NXPH1: variants seen among roughly 807,000 people sequenced by gnomAD.
NXPH1 encodes neurexophilin-1.
NXPH1 carries 5 observed loss-of-function variants against 23.7 expected under a neutral mutation model. That is an observed-to-expected ratio of 0.21 (90% CI 0.11 to 0.44). The LOEUF (loss-of-function observed/expected upper bound fraction) is 0.44. Among genes scored for constraint, NXPH1 ranks in the 20% least tolerant of loss-of-function variants. NXPH1 has a pLI of 0.99. For missense variants in NXPH1, 324 were observed against 321.6 expected (o/e 1.01, Z -0.06); for synonymous variants, 144 against 122.2 (o/e 1.18, Z -1.18).
intron 2 of NXPH1, among the ~76,000 whole-genome samples, chr7:8,633,091 T>C (rs1241296477): frequency 6.6e-6 from 1 of 152,188 alleles, no homozygotes; most frequent in Non-Finnish European, 1.5e-5. Context: ...CAAACTCACA[T>C]AAAATCAATT....
chr7:8,524,510 G>A (rs1322223411), intron 2 of NXPH1, among the ~76,000 whole-genome samples: 5 of 152,066 alleles, frequency 3.3e-5, no homozygotes, highest in Non-Finnish European at 7.4e-5. Context: ...ATCATAGCAT[G>A]GATTGTTCCT....
chr7:8,607,079 T>G lies in NXPH1; in HGVS notation c.55-143929T>G, dbSNP rs139171132. On this transcript the variant is annotated intron_variant, in intron 2 of 2. Transcript: ENST00000405863. ...GTTTTTCCTGGGACAAATATACGGT[T>G]GGACTCATATATATCCTGGGACCAA... Among the ~76,000 whole-genome samples, 665 of 152,250 alleles carry G rather than the reference T, an allele frequency of 4.4e-3. 4 individuals carry two copies. Among genetic ancestry groups the G allele is most frequent in the African/African-American group, 0.015 (637 of 41,564 alleles).
intron 2 of NXPH1, among the ~76,000 whole-genome samples, chr7:8,623,331 G>C (rs993455675): frequency 7.2e-5 from 11 of 152,082 alleles, no homozygotes; most frequent in African/African-American, 2.7e-4. Flanking sequence ...AAACTACAAA[G>C]TGATTGGAAC....
At chr7:8,472,766 C>T (rs1584178502) in intron 2 of NXPH1, among the ~76,000 whole-genome samples, 1 of 152,182 alleles carries the variant, frequency 6.6e-6, no homozygotes, top group Admixed American at 6.5e-5. Flanking sequence ...AAGGAATTGA[C>T]TCATTAGCTG....
intron 2 of NXPH1, among the ~76,000 whole-genome samples, chr7:8,717,902 A>ATATATC (rs1779903807): frequency 6.6e-6 from 1 of 150,764 alleles, no homozygotes; most frequent in South Asian, 2.1e-4. Flanking sequence ...GTGTATATAT[A>ATATATC]TATATATATA....
chr7:8,453,040 G>A (rs1816533739), intron 2 of NXPH1, among the ~76,000 whole-genome samples: 1 of 152,002 alleles, frequency 6.6e-6, no homozygotes, highest in South Asian at 2.1e-4. Flanking sequence ...AGTTAATAAT[G>A]ATAACATACC....
chr7:8,555,670 G>A (rs533417448), intron 2 of NXPH1, among the ~76,000 whole-genome samples: 127 of 151,786 alleles, frequency 8.4e-4, no homozygotes, highest in Middle Eastern at 3.4e-3. Flanking sequence ...TTCTTTGTTC[G>A]TCTTGGCAAG....
chr7:8,583,567 G>A (rs1350812520), intron 2 of NXPH1, among the ~76,000 whole-genome samples: 1 of 152,172 alleles, frequency 6.6e-6, no homozygotes. Flanking sequence ...GAGAGACTGA[G>A]TTGCAGGGGG....
At chr7:8,512,858 A>G (rs1817632902) in intron 2 of NXPH1, among the ~76,000 whole-genome samples, 1 of 152,086 alleles carries the variant, frequency 6.6e-6, no homozygotes, top group Non-Finnish European at 1.5e-5. Flanking sequence ...TTAGCAGAAA[A>G]CCAAATTAGA....
chr7:8,523,147 G>A (rs1158906986), intron 2 of NXPH1, among the ~76,000 whole-genome samples: 1 of 152,164 alleles, frequency 6.6e-6, no homozygotes, highest in Non-Finnish European at 1.5e-5. Flanking sequence ...AGTAATGCTG[G>A]CACAGTTTAG....
At chr7:8,559,998 C>T (rs564137325) in intron 2 of NXPH1, among the ~76,000 whole-genome samples, 1 of 151,610 alleles carries the variant, frequency 6.6e-6, no homozygotes, top group African/African-American at 2.4e-5. Flanking sequence ...AACGGTAGAG[C>T]CATGCATTTG....
At chr7:8,639,922 T>G (rs1463328858) in intron 2 of NXPH1, among the ~76,000 whole-genome samples, 2 of 152,204 alleles carry the variant, frequency 1.3e-5, no homozygotes, top group Non-Finnish European at 2.9e-5. Context: ...TGTTCTCAGT[T>G]TCAGGTATGT....
At chr7:8,716,088 G>A (rs1779874300) in intron 2 of NXPH1, among the ~76,000 whole-genome samples, 1 of 152,124 alleles carries the variant, frequency 6.6e-6, no homozygotes, top group Admixed American at 6.5e-5. Context: ...AGCAGATAAG[G>A]TGAAAAAGCC....
At chr7:8,493,843 C>T (rs549420597) in intron 2 of NXPH1, among the ~76,000 whole-genome samples, 8 of 152,038 alleles carry the variant, frequency 5.3e-5, no homozygotes, top group Middle Eastern at 3.4e-3. Context: ...CTTTCTCTCT[C>T]GGTCTCATTT....
At chr7:8,739,583 T>C (rs1780326384) in intron 2 of NXPH1, among the ~76,000 whole-genome samples, 1 of 152,166 alleles carries the variant, frequency 6.6e-6, no homozygotes, top group South Asian at 2.1e-4. Flanking sequence ...ACTGGAGCTG[T>C]TCCTATTTGG....
chr7:8,544,083 A>G (rs1201743439), intron 2 of NXPH1, among the ~76,000 whole-genome samples: 1 of 151,632 alleles, frequency 6.6e-6, no homozygotes, highest in South Asian at 2.1e-4. Flanking sequence ...GCTGGGGCAC[A>G]TGTTGCCTCT....
intron 2 of NXPH1, among the ~76,000 whole-genome samples, chr7:8,616,668 G>T (rs1270228559): frequency 3.9e-5 from 6 of 151,936 alleles, no homozygotes; most frequent in Non-Finnish European, 7.4e-5. Flanking sequence ...AGCCAGGGGG[G>T]ACTGAGGGAA....
In NXPH1 at chr7:8,506,417, C is replaced by T. The variant is rs571809282; in HGVS notation, c.54+70650C>T. ...CTATTAATATTTCCTTTATAGGATA[C>T]TTGTGAAGATTAAGTGAGAAAAGAT... On this transcript the variant is annotated intron_variant, in intron 2 of 2. Transcript: ENST00000405863. Among the ~76,000 whole-genome samples, 32 of 152,168 alleles carry T rather than the reference C, an allele frequency of 2.1e-4. No individual in the cohort carries two copies. The South Asian group carries it at 6.2e-3, about 30-fold the overall frequency.
chr7:8,545,511 G>A (rs1818185813), intron 2 of NXPH1, among the ~76,000 whole-genome samples: 1 of 151,472 alleles, frequency 6.6e-6, no homozygotes, highest in African/African-American at 2.4e-5. Flanking sequence ...GAGGGCATAT[G>A]TACATATATA....
Sources: gnomAD v4.1 joint callset for allele counts (sites outside exome capture counted in the v4.1 genomes callset) on GRCh38, gnomAD v4.1.1 for gene constraint, MANE v1.5 for transcripts, NCBI Gene and HGNC (gene_info 2026-07-23, HGNC 2026-07-21) for gene names.